TMPRSS11A: variants seen among roughly 807,000 people sequenced by gnomAD.
TMPRSS11A encodes the protein transmembrane protease serine 11A.
TMPRSS11A carries 53 observed loss-of-function variants against 58.9 expected under a neutral mutation model. The observed-to-expected ratio is 0.90, with a 90% confidence interval of 0.72 to 1.13. TMPRSS11A has a LOEUF of 1.13. Ranked by LOEUF, TMPRSS11A falls within the 50% of genes most tolerant of loss-of-function variation. The probability of loss-of-function intolerance (pLI) is 0.00; values close to 1 mark genes in which losing one functional copy is unlikely to be tolerated. For missense variants in TMPRSS11A, 493 were observed against 499.3 expected, an observed-to-expected ratio of 0.99 and a Z score of 0.12; for synonymous variants, 167 against 169.8, an observed-to-expected ratio of 0.98 and a Z score of 0.13.
At position 67,922,876 on chromosome 4, in the gene TMPRSS11A, C is replaced by G. The variant is rs1363225596; in HGVS notation, c.571G>C (p.Val191Leu). 1.2e-6 allele frequency: 2 copies of G among 1,614,158 alleles called. No homozygotes were observed. The highest frequency in any genetic ancestry group is 1.7e-6 in the Non-Finnish European group (2 of 1,180,024). Residue 191 changes from valine (V) to leucine (L), a missense_variant, in exon 7 of 10, where the codon GTC (valine) becomes CTC (leucine). Val to Leu is a conservative substitution (Grantham distance 32). Coordinates refer to ENST00000508048, the MANE Select transcript of TMPRSS11A (RefSeq NM_001114387.2). ...GGCCAGGCCGCCTTGGGTGCAATGA[C>G]TCCAGATGCTATTCTGTTGACGTTT... ...PLNVNRIASG[V>L]IAPKAAWPWQ... is the part of the protein sequence containing the mutation.
At chr4:67,931,417 T>C (rs1720616782) in intron 4 of TMPRSS11A, among the ~76,000 whole-genome samples, 1 of 152,214 alleles carries the variant, frequency 6.6e-6, no homozygotes, top group African/African-American at 2.4e-5. Context: ...TGTTCTGCTA[T>C]GTAGTTTTTC....
intron 1 of TMPRSS11A, among the ~76,000 whole-genome samples, chr4:67,955,974 T>C (rs1227938618): frequency 6.6e-6 from 1 of 152,246 alleles, no homozygotes; most frequent in Non-Finnish European, 1.5e-5. Context: ...ATTGCAGATA[T>C]GGAACTGCCT....
At chr4:67,930,083 T>A in intron 4 of TMPRSS11A, 43 bp from the exon 5 acceptor site, 1 of 1,569,492 alleles carries the variant, frequency 6.4e-7, no homozygotes, top group Non-Finnish European at 8.7e-7. Context: ...AGAATACACC[T>A]GGAATTGTCC....
At chr4:67,911,819 G>A (rs1038450185) in intron 9 of TMPRSS11A, among the ~76,000 whole-genome samples, 3 of 152,084 alleles carry the variant, frequency 2.0e-5, no homozygotes, top group Non-Finnish European at 4.4e-5. Flanking sequence ...CCAAGAGGTA[G>A]CCACTTCATG....
In TMPRSS11A at chr4:67,930,582, C is replaced by T. The variant is rs78929359; in HGVS notation, c.321-542G>A. ...TGGAACATACATAAAATAATTTCCTCCTCTAGCCCAAATATTTGAAGACAA... is the reference window on the plus strand; with the variant it reads ...TGGAACATACATAAAATAATTTCCTTCTCTAGCCCAAATATTTGAAGACAA... On this transcript the variant is annotated intron_variant, in intron 4 of 9. Transcript: ENST00000508048. Among the ~76,000 whole-genome samples, 458 of 152,114 alleles carry T rather than the reference C, an allele frequency of 3.0e-3. 16 individuals are homozygous for T. In the East Asian group the frequency reaches 0.08, roughly 26 times the overall value.
chr4:67,917,523 C>T (rs191798365), intron 8 of TMPRSS11A, among the ~76,000 whole-genome samples: 5 of 152,268 alleles, frequency 3.3e-5, no homozygotes. Context: ...AATATAGCCT[C>T]TCTTGGTGAG....
Position 67,948,958 on chromosome 4 carries a change from G to A in TMPRSS11A, c.12-2387C>T, listed in dbSNP as rs530349525. Among the ~76,000 whole-genome samples the A allele has an allele frequency of 6.6e-5, 10 of 151,540 alleles. No individual in the cohort carries two copies. In the East Asian group the frequency reaches 7.8e-4, roughly 12 times the overall value. On this transcript the variant is annotated intron_variant, in intron 1 of 9. Coordinates refer to ENST00000508048, the MANE Select transcript of TMPRSS11A (RefSeq NM_001114387.2). ...CTCGGTGCCCCTCTCGATTGATTTC[G>A]TTCAAATTATTTAATAAATTTATCA...
At chr4:67,936,063 C>T (rs1329905118) in intron 3 of TMPRSS11A, among the ~76,000 whole-genome samples, 1 of 152,086 alleles carries the variant, frequency 6.6e-6, no homozygotes, top group African/African-American at 2.4e-5. Context: ...CAAGTTGACA[C>T]CACAGAGTTC....
intron 7 of TMPRSS11A, among the ~76,000 whole-genome samples, chr4:67,919,723 A>T (rs1720267435): frequency 6.6e-6 from 1 of 152,200 alleles, no homozygotes; most frequent in African/African-American, 2.4e-5. Context: ...CATTATGATT[A>T]TTTTGATAAC....
chr4:67,928,104 G>A (rs192835744), intron 5 of TMPRSS11A, among the ~76,000 whole-genome samples: 2 of 152,302 alleles, frequency 1.3e-5, no homozygotes, highest in East Asian at 3.9e-4. Flanking sequence ...GAGTGCAGTG[G>A]CGCGATCTTG....
intron 4 of TMPRSS11A, among the ~76,000 whole-genome samples, chr4:67,930,829 T>TTAA (rs1265700805): frequency 7.1e-4 from 64 of 90,090 alleles, no homozygotes; most frequent in African/African-American, 2.4e-3. Context: ...TTTTTTTTTT[T>TTAA]ACAAAAAAAA....
At chr4:67,920,549 A>ATATATATATATTTTT (rs371252656) in intron 7 of TMPRSS11A, among the ~76,000 whole-genome samples, 4 of 130,900 alleles carry the variant, frequency 3.1e-5, no homozygotes, top group African/African-American at 1.2e-4. Flanking sequence ...ATATATATAT[A>ATATATATATATTTTT]TTTTTTTTTA....
At chr4:67,959,609 A>G (rs1276890328) in intron 1 of TMPRSS11A, among the ~76,000 whole-genome samples, 4 of 152,190 alleles carry the variant, frequency 2.6e-5, no homozygotes, top group Admixed American at 6.5e-5. Flanking sequence ...CAACCTTACT[A>G]ATCGTCAGAG....
chr4:67,961,201 T>A (rs1157235916), intron 1 of TMPRSS11A, among the ~76,000 whole-genome samples: 1 of 152,180 alleles, frequency 6.6e-6, no homozygotes, highest in South Asian at 2.1e-4. Flanking sequence ...TTCCATATTA[T>A]GTTTCTTGTT....
At chr4:67,935,228 T>TA (rs1287515582) in intron 3 of TMPRSS11A, among the ~76,000 whole-genome samples, 1 of 152,148 alleles carries the variant, frequency 6.6e-6, no homozygotes, top group Non-Finnish European at 1.5e-5. Context: ...CAAGGTCCTC[T>TA]CCCTCTGTGA....
Position 67,919,056 on chromosome 4 carries a change from T to G in TMPRSS11A, c.869A>C (p.Gln290Pro), listed in dbSNP as rs353163. The change falls in exon 8 of 10, where the codon CAG becomes CCG. Residue 290 changes from glutamine to proline, a missense_variant. Physicochemically the swap from Gln to Pro is moderately conservative, Grantham distance 76. Transcript: ENST00000508048. ...TGCAGAGGCTTCTGGCAAACAAATC[T>G]GGCGTATGTCATCCGAAAAGGTGAC... is the stretch of plus-strand genomic sequence containing the variant. ...SRVTFSDDIRQICLPEASASF... is the reference protein window; with the variant it reads ...SRVTFSDDIRPICLPEASASF... 2 of 1,613,926 alleles carry G rather than the reference T, an allele frequency of 1.2e-6. No individual in the cohort carries two copies. Among genetic ancestry groups the G allele is most frequent in the African/African-American group, 2.7e-5 (2 of 74,978 alleles).
At chr4:67,954,186 A>G (rs1233615881) in intron 1 of TMPRSS11A, among the ~76,000 whole-genome samples, 1 of 152,222 alleles carries the variant, frequency 6.6e-6, no homozygotes, top group Non-Finnish European at 1.5e-5. Flanking sequence ...ACAGAAATTA[A>G]GCAAACTAAC....
In TMPRSS11A at chr4:67,919,034, A is replaced by C. The variant is rs1169009053; in HGVS notation, c.891T>G (p.Ser297=). Residue 297 remains serine (S), a synonymous_variant, in exon 8 of 10, where the codon TCT becomes TCG. Coordinates refer to ENST00000508048, the MANE Select transcript of TMPRSS11A (RefSeq NM_001114387.2). ...CAGTCAAATTTGGTTGGAAGGATGCAGAGGCTTCTGGCAAACAAATCTGGC... is the reference window on the plus strand; with the variant it reads ...CAGTCAAATTTGGTTGGAAGGATGCCGAGGCTTCTGGCAAACAAATCTGGC... ...DIRQICLPEA[S]ASFQPNLTVH... 8 of 1,614,204 alleles carry C rather than the reference A, an allele frequency of 5.0e-6. No homozygotes were observed. The highest frequency in any genetic ancestry group is 5.9e-6 in the Non-Finnish European group (7 of 1,180,016).
rs1264603738 is a variant in TMPRSS11A at position 67,909,676 on chromosome 4, TTCTTA to T, written c.*1661_*1665del. On this transcript the variant is annotated 3_prime_UTR_variant, in exon 10 of 10. Coordinates refer to ENST00000508048, the MANE Select transcript of TMPRSS11A (RefSeq NM_001114387.2). ...CCTAAATGAATCTCGTCATTTAAAA[TTCTTA>T]TCTTAAGAGTTTTCTATCTTAATAC... The T allele has an allele frequency of 6.6e-6, 1 of 152,192 alleles. No homozygotes were observed. Among genetic ancestry groups the T allele is most frequent in the Non-Finnish European group, 1.5e-5 (1 of 67,994 alleles). 9.4% of individuals were successfully genotyped at this position (152,192 alleles called of 1,614,324 possible).
Sources: gnomAD v4.1 joint callset for allele counts (sites outside exome capture counted in the v4.1 genomes callset) on GRCh38, gnomAD v4.1.1 for gene constraint, MANE v1.5 for transcripts, NCBI Gene and HGNC (gene_info 2026-07-23, HGNC 2026-07-21) for gene names.